Variants in CRTC1 observed in about 807,000 individuals in gnomAD.
CRTC1 encodes CREB-regulated transcription coactivator 1.
Under a neutral mutation model 66.1 loss-of-function variants are expected in CRTC1, and 18 were observed. That is an observed-to-expected ratio of 0.27 (90% CI 0.19 to 0.40). The LOEUF (loss-of-function observed/expected upper bound fraction) is 0.40, where lower values mean the gene tolerates loss of function less well. Ranked by LOEUF, CRTC1 falls within the 10% of genes least tolerant of loss-of-function variation. CRTC1 has a pLI of 1.00. For missense variants in CRTC1, 669 were observed against 887.9 expected (o/e 0.75, Z 3.13); for synonymous variants, 416 against 398.8 (o/e 1.04, Z -0.51).
chr19:18,709,631 C>T (rs891356820), intron 1 of CRTC1, among the ~76,000 whole-genome samples: 1 of 152,158 alleles, frequency 6.6e-6, no homozygotes. Flanking sequence ...TGCGGACACC[C>T]CTGCTGAGGT....
chr19:18,776,333 A>G (rs1482334570), intron 13 of CRTC1, among the ~76,000 whole-genome samples: 3 of 152,198 alleles, frequency 2.0e-5, no homozygotes, highest in Non-Finnish European at 4.4e-5. Context: ...CCCGTCCTGC[A>G]TGGCACATAT....
rs2055085963 is a variant in CRTC1, at chr19:18,780,687, C to T, written c.*3305C>T. On this transcript the variant is annotated 3_prime_UTR_variant, in exon 14 of 14. Transcript: ENST00000321949. Reference sequence around the variant, plus strand: ...GCCAGAAGCCCATGGGGGGCCAGGCCGGGTGGCTTCTATTTTATTTTTTTA... The same window carrying T: ...GCCAGAAGCCCATGGGGGGCCAGGCTGGGTGGCTTCTATTTTATTTTTTTA... The T allele has an allele frequency of 1.3e-5, 3 of 222,230 alleles. No homozygotes were observed. The highest frequency in any genetic ancestry group is 1.3e-4 in the East Asian group (2 of 15,350). The allele number at this position is 222,230 out of a possible 1,614,324, so 13.8% of individuals were successfully genotyped here.
At chr19:18,770,692 T>G (rs1257721032) in intron 10 of CRTC1, among the ~76,000 whole-genome samples, 1 of 151,878 alleles carries the variant, frequency 6.6e-6, no homozygotes, top group Non-Finnish European at 1.5e-5. Context: ...TGTACATTTG[T>G]GGATGTGTGG....
chr19:18,774,528 G>A (rs933793293), intron 11 of CRTC1, among the ~76,000 whole-genome samples: 3 of 152,160 alleles, frequency 2.0e-5, no homozygotes, highest in African/African-American at 7.2e-5. Flanking sequence ...GTAACGTCTG[G>A]GCACTTCCCG....
At position 18,779,547 on chromosome 19, in the gene CRTC1, A is replaced by G. The variant is rs2055063408; in HGVS notation, c.*2165A>G. On this transcript the variant is annotated 3_prime_UTR_variant, in exon 14 of 14. Transcript: ENST00000321949. The stretch of plus-strand genomic sequence containing the variant: ...GTAGGACTTAAAAAAAAATGGCCTT[A>G]ATAAAATTACAAGCAACCCGCCTGG... 4.6e-6 allele frequency: 1 copy of G among 216,604 alleles called. No homozygotes were observed. The highest frequency in any genetic ancestry group is 9.3e-6 in the Non-Finnish European group (1 of 107,880). 13.4% of individuals were successfully genotyped at this position (216,604 alleles called of 1,614,324 possible).
At chr19:18,709,773 C>A (rs746959373) in intron 1 of CRTC1, among the ~76,000 whole-genome samples, 2 of 152,196 alleles carry the variant, frequency 1.3e-5, no homozygotes, top group Non-Finnish European at 2.9e-5. Context: ...AAGTTAGGAC[C>A]TGAGGGCTCC....
chr19:18,778,867 C>T lies in CRTC1; in HGVS notation c.*1485C>T, dbSNP rs541289990. The T allele has an allele frequency of 4.3e-6, 1 of 231,390 alleles. No homozygotes were observed. Among genetic ancestry groups the T allele is most frequent in the Non-Finnish European group, 8.6e-6 (1 of 116,934 alleles). The allele number at this position is 231,390 out of a possible 1,614,324, so 14.3% of individuals were successfully genotyped here. On this transcript the variant is annotated 3_prime_UTR_variant, in exon 14 of 14. Coordinates refer to ENST00000321949, the MANE Select transcript of CRTC1 (RefSeq NM_015321.3). ...CTGGCTCCTAGCCCACACCCCCTCT[C>T]TTGGGCAGCGTGGTCTGCTGGCTGC... is the stretch of plus-strand genomic sequence containing the variant.
chr19:18,763,946 A>G (rs1163102852), intron 8 of CRTC1, among the ~76,000 whole-genome samples: 1 of 152,060 alleles, frequency 6.6e-6, no homozygotes, highest in African/African-American at 2.4e-5. Context: ...CTTCCCCCAC[A>G]TCCTCCCGTC....
chr19:18,686,943 G>C (rs979024301), intron 1 of CRTC1, among the ~76,000 whole-genome samples: 3 of 151,740 alleles, frequency 2.0e-5, no homozygotes, highest in Admixed American at 6.6e-5. Flanking sequence ...CCTACATGTA[G>C]TGCACAGGAT....
chr19:18,731,353 T>C (rs2053884033), intron 1 of CRTC1, among the ~76,000 whole-genome samples: 1 of 152,144 alleles, frequency 6.6e-6, no homozygotes, highest in African/African-American at 2.4e-5. Flanking sequence ...TCTTGACTTG[T>C]AGACGCGGCA....
intron 6 of CRTC1, among the ~76,000 whole-genome samples, chr19:18,756,974 C>T (rs567420446): frequency 2.6e-5 from 4 of 152,224 alleles, no homozygotes; most frequent in Non-Finnish European, 5.9e-5. Context: ...ATTCAGCCGG[C>T]GTTCTCCACA....
At chr19:18,692,900 C>G (rs2052880169) in intron 1 of CRTC1, among the ~76,000 whole-genome samples, 1 of 150,478 alleles carries the variant, frequency 6.6e-6, no homozygotes, top group African/African-American at 2.4e-5. Context: ...ATGGTGAAAC[C>G]CTGTCTCTAC....
At chr19:18,684,716 T>C (rs539898091) in intron 1 of CRTC1, among the ~76,000 whole-genome samples, 26 of 152,210 alleles carry the variant, frequency 1.7e-4, no homozygotes, top group African/African-American at 5.1e-4. Context: ...CTGCCTCAGG[T>C]GGCTGGGCGC....
At chr19:18,765,890 G>A (rs1000717147) in intron 9 of CRTC1, among the ~76,000 whole-genome samples, 3 of 152,070 alleles carry the variant, frequency 2.0e-5, no homozygotes, top group Non-Finnish European at 4.4e-5. Context: ...GAGCCCAGGG[G>A]GTGGAGGCTG....
chr19:18,715,175 A>G (rs1600821071), intron 1 of CRTC1, among the ~76,000 whole-genome samples: 1 of 152,152 alleles, frequency 6.6e-6, no homozygotes, highest in Non-Finnish European at 1.5e-5. Context: ...GCATCACTCC[A>G]GTCTCTGCCT....
intron 1 of CRTC1, among the ~76,000 whole-genome samples, chr19:18,725,161 G>A (rs146903115): frequency 1.5e-3 from 228 of 152,242 alleles, no homozygotes; most frequent in South Asian, 3.1e-3. Context: ...GTCCCTGTGC[G>A]AGACCCCCTT....
chr19:18,765,557 G>T, intron 9 of CRTC1, 29 bp downstream of exon 9: 1 of 1,586,958 alleles, frequency 6.3e-7, no homozygotes, highest in Middle Eastern at 1.7e-4. Flanking sequence ...GGGCAGGTGG[G>T]AGGGGGAAAG....
chr19:18,742,505 C>T (rs1278695258), intron 1 of CRTC1, among the ~76,000 whole-genome samples: 1 of 152,254 alleles, frequency 6.6e-6, no homozygotes, highest in Non-Finnish European at 1.5e-5. Flanking sequence ...TGGGAAGCCG[C>T]CTGGCCTGCC....
chr19:18,774,520 AACGTCTGGGC>A (rs779719036), intron 11 of CRTC1, among the ~76,000 whole-genome samples: 1 of 151,964 alleles, frequency 6.6e-6, no homozygotes, highest in Non-Finnish European at 1.5e-5. Context: ...TCCTGAATGT[AACGTCTGGGC>A]ACTTCCCGCC....
Sources: gnomAD v4.1 joint callset for allele counts (sites outside exome capture counted in the v4.1 genomes callset) on GRCh38, gnomAD v4.1.1 for gene constraint, MANE v1.5 for transcripts, NCBI Gene and HGNC (gene_info 2026-07-23, HGNC 2026-07-21) for gene names.